The following SMAD3 variants were observed in gnomAD, a reference collection of about 807,000 sequenced individuals.
SMAD3 encodes MAD homolog 3.
In SMAD3, 12 loss-of-function variants were observed where a neutral mutation model predicts 51.8. The observed-to-expected ratio is 0.23, with a 90% CI of 0.15 to 0.38. The LOEUF (loss-of-function observed/expected upper bound fraction) is 0.38. Ranked by LOEUF, SMAD3 falls within the 10% of genes least tolerant of loss-of-function variation. The pLI is 1.00. For synonymous variants in SMAD3, 238 were observed against 227.7 expected, an observed-to-expected ratio of 1.05 and a Z score of -0.41; for missense variants, 294 against 565.6, an observed-to-expected ratio of 0.52 and a Z score of 4.87.
rs929953070 is a variant in SMAD3, at chr15:67,097,640, A to G, written c.206+31280A>G. On this transcript the variant is annotated intron_variant, in intron 1 of 8. Transcript: ENST00000327367. ...CCATCTATAAAATGGGTATAATGGT[A>G]ATTATCTTATAGCATGGTCATGAGC... 2.6e-5 allele frequency among the ~76,000 whole-genome samples: 4 copies of G among 152,100 alleles called. No homozygotes were observed. The East Asian group carries it at 7.7e-4, about 29-fold the overall frequency.
At chr15:67,104,518 A>T (rs1258304689) in intron 1 of SMAD3, among the ~76,000 whole-genome samples, 2 of 152,250 alleles carry the variant, frequency 1.3e-5, no homozygotes, top group Non-Finnish European at 2.9e-5. Flanking sequence ...TTCCAGCCCC[A>T]TAGGGCCTTT....
chr15:67,169,061 C>T (rs920973145), intron 4 of SMAD3, among the ~76,000 whole-genome samples: 16 of 152,156 alleles, frequency 1.1e-4, no homozygotes, highest in African/African-American at 4.8e-5. Context: ...TACCATGTAG[C>T]GGTCATGGTG....
intron 5 of SMAD3, among the ~76,000 whole-genome samples, chr15:67,176,540 C>A (rs1036798985): frequency 3.9e-5 from 6 of 152,358 alleles, no homozygotes; most frequent in Middle Eastern, 3.4e-3. Context: ...CCCTTGCCTC[C>A]CCACCTCTTC....
chr15:67,085,882 A>G (rs1232466461), intron 1 of SMAD3, among the ~76,000 whole-genome samples: 3 of 75,084 alleles, frequency 4.0e-5, no homozygotes, highest in African/African-American at 1.3e-4. Context: ...ACACACACAC[A>G]CACACACACA....
intron 1 of SMAD3, among the ~76,000 whole-genome samples, chr15:67,084,070 CTTTTTTTTT>C (rs56675753): frequency 1.2e-3 from 100 of 85,064 alleles, no homozygotes; most frequent in African/African-American, 4.1e-3. Context: ...CTTTTTTTTT[CTTTTTTTTT>C]TTTTTTTTTT....
chr15:67,138,810 A>T (rs1348063812), intron 1 of SMAD3, among the ~76,000 whole-genome samples: 2 of 152,240 alleles, frequency 1.3e-5, no homozygotes, highest in South Asian at 2.1e-4. Context: ...TCCCTGGAAG[A>T]TGTGAAAACA....
At position 67,086,358 on chromosome 15, in the gene SMAD3, C is replaced by A. The variant is rs954849869; in HGVS notation, c.206+19998C>A. Reference sequence around the variant, plus strand: ...TCATCAGCAGTAGCATCTAAACAGCCCTTGAAGGGAATCAGTATCTACAGC... The same window carrying A: ...TCATCAGCAGTAGCATCTAAACAGCACTTGAAGGGAATCAGTATCTACAGC... On this transcript the variant is annotated intron_variant, in intron 1 of 8. Transcript: ENST00000327367. Among the ~76,000 whole-genome samples, 6 of 152,218 alleles carry A rather than the reference C, an allele frequency of 3.9e-5. No homozygotes were observed. The South Asian group carries it at 1.0e-3, about 26-fold the overall frequency.
chr15:67,100,674 A>G (rs996703358), intron 1 of SMAD3, among the ~76,000 whole-genome samples: 5 of 152,250 alleles, frequency 3.3e-5, no homozygotes, highest in Non-Finnish European at 7.4e-5. Flanking sequence ...TATTCCTCTA[A>G]TGGTGTCCAT....
At chr15:67,152,905 T>C (rs541563999) in intron 1 of SMAD3, among the ~76,000 whole-genome samples, 9 of 152,160 alleles carry the variant, frequency 5.9e-5, no homozygotes, top group Non-Finnish European at 1.3e-4. Context: ...CTTCAATATT[T>C]AACCGTCTTC....
At chr15:67,186,989 A>G (rs932188660) in intron 7 of SMAD3, 1 of 458,314 alleles carries the variant, frequency 2.2e-6, no homozygotes, top group Non-Finnish European at 4.4e-6. Flanking sequence ...CAGGTCCCTT[A>G]TCTCTCTGTC....
chr15:67,116,146 T>C (rs1961130373), intron 1 of SMAD3, among the ~76,000 whole-genome samples: 1 of 152,254 alleles, frequency 6.6e-6, no homozygotes, highest in Admixed American at 6.5e-5. Context: ...GCCTTGTGCA[T>C]CCTTGGGTGA....
At position 67,066,075 on chromosome 15, in the gene SMAD3, C is replaced by G; in HGVS notation, c.-80C>G. 9.5e-7 allele frequency: 1 copy of G among 1,048,052 alleles called. No homozygotes were observed. Among genetic ancestry groups the G allele is most frequent in the Admixed American group, 3.1e-5 (1 of 32,120 alleles). 64.9% of individuals were successfully genotyped at this position (1,048,052 alleles called of 1,614,324 possible). A position where few individuals can be genotyped will look rare whatever the true frequency, so the allele number is the denominator to read the frequency against. On this transcript the variant is annotated 5_prime_UTR_variant, in exon 1 of 9. Coordinates refer to ENST00000327367, the MANE Select transcript of SMAD3 (RefSeq NM_005902.4). ...GCGACCGCGGCAGGCCCCGGCCGAG[C>G]TCCCCTCTGCGCCCCCGGCGTCCCG...
At chr15:67,158,194 G>A (rs1198448676) in intron 1 of SMAD3, among the ~76,000 whole-genome samples, 2 of 152,202 alleles carry the variant, frequency 1.3e-5, no homozygotes, top group Admixed American at 6.5e-5. Flanking sequence ...TACTTAATGG[G>A]CCCAGTGCCC....
intron 1 of SMAD3, chr15:67,128,005 C>T (rs573141912): frequency 6.6e-6 from 1 of 152,358 alleles, no homozygotes; most frequent in South Asian, 2.1e-4. Context: ...TTCCAACTTG[C>T]AGCCTGCACC....
chr15:67,133,447 G>A (rs530324694), intron 1 of SMAD3, among the ~76,000 whole-genome samples: 28 of 151,758 alleles, frequency 1.8e-4, no homozygotes, highest in African/African-American at 4.8e-4. Context: ...GATGGGCTGC[G>A]TTTCTGTTTG....
At chr15:67,150,318 C>G (rs929887397) in intron 1 of SMAD3, among the ~76,000 whole-genome samples, 1 of 152,140 alleles carries the variant, frequency 6.6e-6, no homozygotes, top group Non-Finnish European at 1.5e-5. Context: ...GCCCTCTTCA[C>G]CTCTCCCCAA....
At chr15:67,188,247 C>T (rs1239533251) in intron 8 of SMAD3, among the ~76,000 whole-genome samples, 7 of 149,764 alleles carry the variant, frequency 4.7e-5, no homozygotes, top group East Asian at 2.0e-4. Context: ...GCCTCCAGGA[C>T]GTGCCTCAGC....
rs1360614387 is a variant in SMAD3 at position 67,164,998 on chromosome 15, C to T, written c.310C>T (p.Arg104Trp). ...WPDLHSHHELRAMELCEFAFN... is the reference protein window; with the variant it reads ...WPDLHSHHELWAMELCEFAFN... ...AGACCTGCACAGCCACCACGAGCTA[C>T]GGGCCATGGAGCTGTGTGAGTTCGC... The change falls in exon 2 of 9, where the codon CGG (arginine) becomes TGG (tryptophan). Residue 104 changes from arginine to tryptophan, a missense_variant. Transcript: ENST00000327367. 8.1e-6 allele frequency: 13 copies of T among 1,614,114 alleles called. No individual in the cohort carries two copies. Among genetic ancestry groups the T allele is most frequent in the South Asian group, 2.2e-5 (2 of 91,080 alleles).
At chr15:67,166,910 TCCCTTCC>T in intron 4 of SMAD3, 57 bp downstream of exon 4, 1 of 1,264,988 alleles carries the variant, frequency 7.9e-7, no homozygotes, top group African/African-American at 1.6e-5. Flanking sequence ...GGTGGGTTCA[TCCCTTCC>T]ATCCCTTCCT....
Sources: gnomAD v4.1 joint callset for allele counts (sites outside exome capture counted in the v4.1 genomes callset) on GRCh38, gnomAD v4.1.1 for gene constraint, MANE v1.5 for transcripts, NCBI Gene and HGNC (gene_info 2026-07-23, HGNC 2026-07-21) for gene names.